The following TNS2 variants were observed in gnomAD, a reference collection of about 807,000 sequenced individuals.
The protein encoded by TNS2 is tensin 2, also known as tensin-2.
In TNS2, 77 loss-of-function variants were observed where a neutral mutation model predicts 155.7. The observed-to-expected ratio is 0.49, with a 90% CI of 0.41 to 0.60. The LOEUF (loss-of-function observed/expected upper bound fraction) is 0.60. Ranked by LOEUF, TNS2 falls within the 20% of genes least tolerant of loss-of-function variation. The pLI is 0.00. For synonymous variants in TNS2, 726 were observed against 763.9 expected (o/e 0.95, Z 0.82); for missense variants, 1,703 against 1,868.8 (o/e 0.91, Z 1.64).
chr12:53,063,154 C>T lies in TNS2; in HGVS notation c.3889C>T (p.Arg1297Trp), dbSNP rs770325065. 3 of 1,608,444 alleles carry T rather than the reference C, an allele frequency of 1.9e-6. No homozygotes were observed. Among genetic ancestry groups the T allele is most frequent in the African/African-American group, 1.3e-5 (1 of 74,712 alleles). The change falls in exon 26 of 29, where the codon CGG (arginine) becomes TGG (tryptophan). Residue 1297 changes from arginine (R) to tryptophan (W), a missense_variant. By Grantham distance (101) the Arg-to-Trp change is moderately radical. Coordinates refer to ENST00000314250, the MANE Select transcript of TNS2 (RefSeq NM_170754.4). The surrounding 1 kb of genome is among the most constrained non-coding windows in gnomAD (Gnocchi z 5.6). ...ACTGACGGGCCCCCAAGCTGTGGCCCGGGCCAGCTCTGCAGCTCTGAGCTG... is the reference window on the plus strand; with the variant it reads ...ACTGACGGGCCCCCAAGCTGTGGCCTGGGCCAGCTCTGCAGCTCTGAGCTG... ...ESLTGPQAVA[R>W]ASSAALSCSP...
At position 53,059,460 on chromosome 12, in the gene TNS2, G is replaced by A; in HGVS notation, c.1819G>A (p.Gly607Arg). The A allele has an allele frequency of 6.6e-7, 1 of 1,519,744 alleles. No homozygotes were observed. The highest frequency in any genetic ancestry group is 8.8e-7 in the Non-Finnish European group (1 of 1,139,266). 94.1% of individuals were successfully genotyped at this position (1,519,744 alleles called of 1,614,324 possible). ...CCGGGAGCCCTGCGGGGTTCCCAAT[G>A]GGGGCTACTACCGGCCAGAGGGAAC... ...GYREPCGVPNGGYYRPEGTLE... is the reference protein window; with the variant it reads ...GYREPCGVPNRGYYRPEGTLE... The change falls in exon 18 of 29, where the codon GGG becomes AGG. Residue 607 changes from glycine to arginine, a missense_variant. Physicochemically the swap from Gly to Arg is moderately radical, Grantham distance 125. Transcript: ENST00000314250. This position sits in a 1 kb window ranked among gnomAD's most constrained non-coding sequence, Gnocchi z 4.7.
intron 23 of TNS2, 46 bp downstream of exon 23, chr12:53,062,291 G>C: frequency 6.2e-7 from 1 of 1,613,190 alleles, no homozygotes; most frequent in Non-Finnish European, 8.5e-7. Flanking sequence ...TCGGTTTAGG[G>C]AGATGCCAAG....
chr12:53,059,712 C>T lies in TNS2; in HGVS notation c.2071C>T (p.Pro691Ser). ...DPGLPALYPC[P>S]ACEEKLALPT... Reference sequence around the variant, plus strand: ...TGGGCTGCCTGCCCTATACCCATGCCCAGCCTGCGAGGAGAAGCTGGCGCT... The same window carrying T: ...TGGGCTGCCTGCCCTATACCCATGCTCAGCCTGCGAGGAGAAGCTGGCGCT... The change falls in exon 18 of 29, where the codon CCA becomes TCA. Residue 691 changes from proline to serine, a missense_variant. Coordinates refer to ENST00000314250, the MANE Select transcript of TNS2 (RefSeq NM_170754.4). This position sits in a 1 kb window ranked among gnomAD's most constrained non-coding sequence, Gnocchi z 4.7. 3.1e-6 allele frequency: 5 copies of T among 1,613,122 alleles called. No individual in the cohort carries two copies. Among genetic ancestry groups the T allele is most frequent in the East Asian group, 2.2e-5 (1 of 44,872 alleles).
Position 53,061,245 on chromosome 12 carries a change from T to G in TNS2, c.3339T>G (p.Asp1113Glu). ...TCACCTTCGCACCTCTGCTCTCAGA[T>G]AATGTCCCCCAAACCCCAGGTATAA... ...HHVTFAPLLS[D>E]NVPQTPEPPT... is the part of the protein sequence containing the mutation. Residue 1113 changes from aspartate to glutamate, a missense_variant, in exon 20 of 29, where the codon GAT becomes GAG. Transcript: ENST00000314250. The G allele has an allele frequency of 6.4e-7, 1 of 1,568,882 alleles. No individual in the cohort carries two copies. Among genetic ancestry groups the G allele is most frequent in the Non-Finnish European group, 8.6e-7 (1 of 1,157,416 alleles).
chr12:53,058,258 G>A, intron 14 of TNS2, 58 bp from the exon 15 acceptor site: 1 of 1,606,170 alleles, frequency 6.2e-7, no homozygotes, highest in South Asian at 1.1e-5. Flanking sequence ...CAGTCCCCAG[G>A]GTGGAAGCGC....
upstream of TNS2, chr12:53,049,103 C>T (rs554698181): frequency 4.0e-5 from 58 of 1,440,358 alleles, no homozygotes; most frequent in Middle Eastern, 1.8e-4. Context: ...ACTCCCAGGA[C>T]GGGAAGTTGG....
rs747646909 is a variant in TNS2 at position 53,054,408 on chromosome 12, T to C, written c.489T>C (p.His163=). Residue 163 remains histidine (H), a synonymous_variant, in exon 7 of 29, where the codon CAT becomes CAC. Coordinates refer to ENST00000314250, the MANE Select transcript of TNS2 (RefSeq NM_170754.4). ...RHRGHLRELA[H]VLQSKHRDKY... Reference sequence around the variant, plus strand: ...GGGGCCACCTGCGCGAGCTGGCCCATGTGCTGCAATCCAAGCACCGGGACA... The same window carrying C: ...GGGGCCACCTGCGCGAGCTGGCCCACGTGCTGCAATCCAAGCACCGGGACA... The C allele has an allele frequency of 1.4e-5, 22 of 1,606,164 alleles. No homozygotes were observed. Among genetic ancestry groups the C allele is most frequent in the African/African-American group, 6.7e-5 (5 of 74,324 alleles).
intron 1 of TNS2, among the ~76,000 whole-genome samples, chr12:53,051,600 G>A (rs931285785): frequency 1.3e-5 from 2 of 152,228 alleles, no homozygotes; most frequent in African/African-American, 4.8e-5. Context: ...CCAGGGCCAT[G>A]TGAGGGGCCC....
chr12:53,057,191 G>A, intron 11 of TNS2, 95 bp downstream of exon 11: 1 of 1,362,760 alleles, frequency 7.3e-7, no homozygotes, highest in Non-Finnish European at 1.0e-6. Context: ...CTTTCACTGA[G>A]TGTGCCAAGC....
In TNS2 at chr12:53,053,777, C is replaced by T; in HGVS notation, c.265C>T (p.Arg89Ter). The T allele has an allele frequency of 2.5e-6, 4 of 1,611,492 alleles. No individual in the cohort carries two copies. Among genetic ancestry groups the T allele is most frequent in the Non-Finnish European group, 3.4e-6 (4 of 1,179,166 alleles). The change falls in exon 5 of 29, where the codon CGA becomes TGA. Residue 89 changes from arginine to a stop codon, truncating the protein, a stop_gained. Coordinates refer to ENST00000314250, the MANE Select transcript of TNS2 (RefSeq NM_170754.4). LOFTEE classifies it high-confidence loss of function. ...TTCCTCCCCCATCTCCCTCTAGCGG[C>T]GAAACACGGCCCCAGTCAGGCGCAT... ...CQALPPVELRRNTAPVRRIEH... is the reference protein window; with the variant it reads ...CQALPPVELR
intron 24 of TNS2, 79 bp from the exon 25 acceptor site, chr12:53,062,541 T>C: frequency 6.2e-7 from 1 of 1,606,936 alleles, no homozygotes; most frequent in Admixed American, 1.7e-5. Context: ...CCGCCTTCCC[T>C]TGGGGAAGCA....
chr12:53,060,390 TC>T lies in TNS2; in HGVS notation c.2618-11del. 2 of 1,609,238 alleles carry T rather than the reference TC, an allele frequency of 1.2e-6. No homozygotes were observed. Among genetic ancestry groups the T allele is most frequent in the Non-Finnish European group, 1.7e-6 (2 of 1,177,290 alleles). Reference sequence around the variant, plus strand: ...CCCCATCCTGCTCACAGCCCACCTCTCCCCTTCACTGCAGAGTCGCTGGAGC... The same window carrying T: ...CCCCATCCTGCTCACAGCCCACCTCTCCCTTCACTGCAGAGTCGCTGGAGC... On this transcript the variant is annotated splice_polypyrimidine_tract_variant and intron_variant, in intron 18 of 28. Transcript: ENST00000314250. This position sits in a 1 kb window ranked among gnomAD's most constrained non-coding sequence, Gnocchi z 6.1.
At chr12:53,054,228 G>C in intron 6 of TNS2, 42 bp from the exon 7 acceptor site, 1 of 1,609,168 alleles carries the variant, frequency 6.2e-7, no homozygotes, top group African/African-American at 1.3e-5. Flanking sequence ...CCACCTCCGG[G>C]TGCCCCGCCC....
intron 20 of TNS2, 40 bp from the exon 21 acceptor site, chr12:53,061,340 G>C: frequency 1.9e-6 from 3 of 1,613,092 alleles, no homozygotes; most frequent in South Asian, 1.1e-5. Flanking sequence ...ATGGGGACCC[G>C]GGTACCCTGG....
Position 53,059,647 on chromosome 12 carries a change from G to A in TNS2, c.2006G>A (p.Arg669His), listed in dbSNP as rs765451280. Reference protein sequence around the residue: ...GKPATGDFGYRAPGYREVVIL... With the variant: ...GKPATGDFGYHAPGYREVVIL... ...CCAGCCACTGGGGACTTTGGCTACC[G>A]CGCCCCAGGCTACCGGGAGGTGGTC... The change falls in exon 18 of 29, where the codon CGC becomes CAC. Residue 669 changes from arginine to histidine, a missense_variant. Transcript: ENST00000314250. This position sits in a 1 kb window ranked among gnomAD's most constrained non-coding sequence, Gnocchi z 4.7. 23 of 1,613,226 alleles carry A rather than the reference G, an allele frequency of 1.4e-5. No individual in the cohort carries two copies. Among genetic ancestry groups the A allele is most frequent in the Non-Finnish European group, 1.8e-5 (21 of 1,179,908 alleles).
In TNS2 at chr12:53,061,062, A is replaced by G; in HGVS notation, c.3156A>G (p.Ser1052=). 3 of 1,613,402 alleles carry G rather than the reference A, an allele frequency of 1.9e-6. No individual in the cohort carries two copies. Among genetic ancestry groups the G allele is most frequent in the Non-Finnish European group, 2.5e-6 (3 of 1,179,748 alleles). Residue 1052 remains serine, a synonymous_variant, in exon 20 of 29, where the codon TCA becomes TCG. Transcript: ENST00000314250. The part of the protein sequence containing the change: ...LVASPEPPQS[S]PTPAFPLAAS... ...CCAGCCCAGAGCCGCCTCAGAGCTCACCTACACCTGCTTTCCCCCTGGCTG... is the reference window on the plus strand; with the variant it reads ...CCAGCCCAGAGCCGCCTCAGAGCTCGCCTACACCTGCTTTCCCCCTGGCTG...
At chr12:53,052,255 C>T (rs997032595) in intron 2 of TNS2, 200 bp from the exon 3 acceptor site, 58 of 686,892 alleles carry the variant, frequency 8.4e-5, no homozygotes, top group African/African-American at 4.5e-4. Flanking sequence ...GAACGTTACC[C>T]CTGGCCTGGG....
Position 53,059,514 on chromosome 12 carries a change from G to T in TNS2, c.1873G>T (p.Gly625Cys). 2 of 1,581,796 alleles carry T rather than the reference G, an allele frequency of 1.3e-6. No individual in the cohort carries two copies. Among genetic ancestry groups the T allele is most frequent in the Non-Finnish European group, 1.7e-6 (2 of 1,166,584 alleles). The change falls in exon 18 of 29, where the codon GGC (glycine) becomes TGC (cysteine). Residue 625 changes from glycine to cysteine, a missense_variant. Physicochemically the swap from Gly to Cys is radical, Grantham distance 159 (BLOSUM62 -3). Transcript: ENST00000314250. The surrounding 1 kb of genome is among the most constrained non-coding windows in gnomAD (Gnocchi z 4.7). The stretch of plus-strand genomic sequence containing the variant: ...GGAGAGGAGGCGACTGGCCTACGGG[G>T]GCTATGAGGGATCCCCCCAGGGCTA... The part of the protein sequence containing the change: ...TLERRRLAYG[G>C]YEGSPQGYAE...
At chr12:53,049,932 G>A, upstream of TNS2, 1 of 912,466 alleles carries the variant, frequency 1.1e-6, no homozygotes, top group Non-Finnish European at 1.6e-6. Flanking sequence ...ACTCCCAGCA[G>A]GGTAGATCCT....
Sources: allele counts gnomAD v4.1 joint callset (sites outside exome capture counted in the v4.1 genomes callset), GRCh38; gene constraint gnomAD v4.1.1; non-coding constraint Gnocchi (gnomAD v3.1); transcripts MANE v1.5; gene names NCBI Gene and HGNC (gene_info 2026-07-23, HGNC 2026-07-21).